Variants in CFAP54 observed in about 807,000 individuals in gnomAD.
The protein encoded by CFAP54 is cilia- and flagella-associated protein 54.
A neutral mutation model predicts 370.4 loss-of-function variants in CFAP54; 290 were observed. The observed-to-expected ratio is 0.78, with a 90% CI of 0.71 to 0.86. CFAP54 has a LOEUF of 0.86. Ranked by LOEUF, CFAP54 falls within the 40% of genes least tolerant of loss-of-function variation. The pLI, the probability that CFAP54 is intolerant of heterozygous loss-of-function variation, is 0.00. For missense variants in CFAP54, 3,399 were observed against 3,528.7 expected (o/e 0.96, Z 0.93); for synonymous variants, 1,206 against 1,236.5 (o/e 0.98, Z 0.52).
chr12:96,679,838 C>A, intron 40 of CFAP54, 86 bp downstream of exon 40: 9 of 1,363,326 alleles, frequency 6.6e-6, no homozygotes, highest in Non-Finnish European at 9.2e-6. Context: ...TCTCATTCTT[C>A]CCTCCCCGTG....
intron 17 of CFAP54, among the ~76,000 whole-genome samples, chr12:96,561,311 T>G (rs1955812880): frequency 6.6e-6 from 1 of 152,194 alleles, no homozygotes; most frequent in African/African-American, 2.4e-5. Context: ...ACAAGTTCTC[T>G]CTCTGCCTAC....
chr12:96,703,484 A>G (rs1440030206), intron 46 of CFAP54, among the ~76,000 whole-genome samples: 1 of 151,966 alleles, frequency 6.6e-6, no homozygotes, highest in Non-Finnish European at 1.5e-5. Context: ...ACCAAGGGGG[A>G]TGAGGGAGGG....
intron 65 of CFAP54, among the ~76,000 whole-genome samples, chr12:96,823,165 G>A (rs143811538): frequency 6.0e-4 from 91 of 152,138 alleles, no homozygotes; most frequent in African/African-American, 2.1e-3. Flanking sequence ...TTTTGAGAGA[G>A]AAAGTTGAGC....
chr12:96,742,647 G>A, intron 52 of CFAP54, 61 bp downstream of exon 52: 2 of 1,405,278 alleles, frequency 1.4e-6, no homozygotes, highest in South Asian at 1.3e-5. Context: ...GTGAAGAGGG[G>A]TTTATTGGGA....
intron 55 of CFAP54, among the ~76,000 whole-genome samples, chr12:96,752,911 G>C (rs894265286): frequency 6.6e-6 from 1 of 152,164 alleles, no homozygotes; most frequent in Non-Finnish European, 1.5e-5. Flanking sequence ...CCTTGGGTGA[G>C]TTGCTGAAAC....
At chr12:96,670,633 G>C (rs1301490034) in intron 39 of CFAP54, among the ~76,000 whole-genome samples, 1 of 152,184 alleles carries the variant, frequency 6.6e-6, no homozygotes, top group Non-Finnish European at 1.5e-5. Flanking sequence ...AGCAGGACTT[G>C]AAAGAGATTG....
chr12:96,528,119 C>T (rs1016651716), intron 9 of CFAP54, among the ~76,000 whole-genome samples: 3 of 152,058 alleles, frequency 2.0e-5, no homozygotes, highest in African/African-American at 7.2e-5. Flanking sequence ...TTTTTTTCCT[C>T]AGTTGGAAAG....
At chr12:96,672,576 C>T (rs1203361782) in intron 39 of CFAP54, among the ~76,000 whole-genome samples, 1 of 152,128 alleles carries the variant, frequency 6.6e-6, no homozygotes, top group Admixed American at 6.6e-5. Context: ...GGTGTTACTG[C>T]CAATGATAAT....
At chr12:96,811,872 C>T in intron 64 of CFAP54, 30 bp downstream of exon 64, 1 of 1,290,214 alleles carries the variant, frequency 7.8e-7, no homozygotes, top group East Asian at 2.6e-5. Flanking sequence ...CTCGAATTGT[C>T]TTTGTTGTTA....
intron 26 of CFAP54, among the ~76,000 whole-genome samples, chr12:96,607,603 T>C (rs1020872295): frequency 6.6e-6 from 1 of 151,870 alleles, no homozygotes; most frequent in African/African-American, 2.4e-5. Flanking sequence ...ACAAAAGAAG[T>C]CTGGAGGTAG....
At chr12:96,805,799 T>C (rs1230232596) in intron 63 of CFAP54, among the ~76,000 whole-genome samples, 2 of 152,106 alleles carry the variant, frequency 1.3e-5, no homozygotes, top group Admixed American at 6.6e-5. Flanking sequence ...TGTATGTTTA[T>C]TGCATCACTA....
At chr12:96,585,703 C>G (rs1271250464) in intron 22 of CFAP54, among the ~76,000 whole-genome samples, 1 of 152,146 alleles carries the variant, frequency 6.6e-6, no homozygotes, top group African/African-American at 2.4e-5. Context: ...TATGAGCTCT[C>G]CTTTTTATTT....
intron 66 of CFAP54, among the ~76,000 whole-genome samples, chr12:96,847,731 G>C (rs1232705465): frequency 1.3e-5 from 2 of 152,202 alleles, no homozygotes; most frequent in African/African-American, 4.8e-5. Context: ...TGTGAGAAGG[G>C]AGACAGAACC....
chr12:96,713,552 A>G (rs1388039189), intron 48 of CFAP54, among the ~76,000 whole-genome samples: 1 of 152,202 alleles, frequency 6.6e-6, no homozygotes, highest in Non-Finnish European at 1.5e-5. Context: ...AATTGAGAAT[A>G]TAACAGTGAA....
intron 1 of CFAP54, among the ~76,000 whole-genome samples, chr12:96,499,947 AAAAACAAAACAAAAC>A (rs147160957): frequency 1.6e-4 from 24 of 148,802 alleles, no homozygotes; most frequent in African/African-American, 3.7e-4. Context: ...ACTCCATCTC[AAAAACAAAACAAAAC>A]AAAACAAAAC....
chr12:96,787,219 T>C (rs1262554678), intron 62 of CFAP54, among the ~76,000 whole-genome samples: 3 of 152,230 alleles, frequency 2.0e-5, no homozygotes, highest in Admixed American at 2.0e-4. Flanking sequence ...ATCATCACTC[T>C]ATAAGAAAAC....
intron 17 of CFAP54, among the ~76,000 whole-genome samples, chr12:96,559,930 C>T (rs1187719120): frequency 6.6e-6 from 1 of 152,050 alleles, no homozygotes; most frequent in East Asian, 1.9e-4. Flanking sequence ...GAACTCCTTA[C>T]CTAACCCCAG....
At chr12:96,806,877 G>T (rs1161746131) in intron 63 of CFAP54, among the ~76,000 whole-genome samples, 1 of 152,144 alleles carries the variant, frequency 6.6e-6, no homozygotes, top group Non-Finnish European at 1.5e-5. Context: ...GCGACTCAAA[G>T]TGTGGCTGAG....
rs1253625255 is a variant in CFAP54, at chr12:96,576,854, G to C, written c.2796+93G>C. Reference sequence around the variant, plus strand: ...CATACTTTGATTGCTTTTAGGAACTGGATAGTCTTATTCATAAGCACTGAA... The same window carrying C: ...CATACTTTGATTGCTTTTAGGAACTCGATAGTCTTATTCATAAGCACTGAA... On this transcript the variant is annotated intron_variant, in intron 20 of 67. Transcript: ENST00000524981. 3.8e-6 allele frequency: 4 copies of C among 1,053,462 alleles called. No homozygotes were observed. In the East Asian group the frequency reaches 1.0e-4, roughly 27 times the overall value. 65.3% of individuals were successfully genotyped at this position (1,053,462 alleles called of 1,614,324 possible). A position where few individuals can be genotyped will look rare whatever the true frequency, so the allele number is the denominator to read the frequency against.
Sources: gnomAD v4.1 joint callset for allele counts (sites outside exome capture counted in the v4.1 genomes callset) on GRCh38, gnomAD v4.1.1 for gene constraint, MANE v1.5 for transcripts, NCBI Gene and HGNC (gene_info 2026-07-23, HGNC 2026-07-21) for gene names.